Variants in SLC16A10 observed in about 807,000 individuals in gnomAD.
SLC16A10 encodes the protein solute carrier family 16 member 10, also known as monocarboxylate transporter 10.
SLC16A10 carries 27 observed loss-of-function variants against 40.0 expected under a neutral mutation model. That is an observed-to-expected ratio of 0.67 (90% CI 0.50 to 0.93). The LOEUF (loss-of-function observed/expected upper bound fraction) is 0.93. Among genes scored for constraint, SLC16A10 ranks in the 40% least tolerant of loss-of-function variants. The pLI, the probability that SLC16A10 is intolerant of heterozygous loss-of-function variation, is 0.00. For missense variants in SLC16A10, 529 were observed against 658.2 expected, an observed-to-expected ratio of 0.80 and a Z score of 2.15; for synonymous variants, 213 against 249.8, an observed-to-expected ratio of 0.85 and a Z score of 1.39.
chr6:111,130,950 A>G (rs1385290957), intron 1 of SLC16A10, among the ~76,000 whole-genome samples: 3 of 152,254 alleles, frequency 2.0e-5, no homozygotes, highest in Admixed American at 6.5e-5. Context: ...TAATTATGCC[A>G]TCATAGGGTA....
chr6:111,102,960 C>T (rs952633163), intron 1 of SLC16A10, among the ~76,000 whole-genome samples: 3 of 152,140 alleles, frequency 2.0e-5, no homozygotes, highest in Non-Finnish European at 4.4e-5. Context: ...GGAGTACATA[C>T]GGTTGCACGC....
At chr6:111,182,333 C>A (rs2757572) in intron 3 of SLC16A10, among the ~76,000 whole-genome samples, 1 of 120,430 alleles carries the variant, frequency 8.3e-6, no homozygotes. Context: ...TTTTTTTTTT[C>A]CTTTTTAACG....
chr6:111,141,185 T>C (rs1213062836), intron 1 of SLC16A10, among the ~76,000 whole-genome samples: 1 of 152,216 alleles, frequency 6.6e-6, no homozygotes, highest in Non-Finnish European at 1.5e-5. Context: ...CAAAGACATA[T>C]ATTTGAAAAT....
intron 4 of SLC16A10, among the ~76,000 whole-genome samples, chr6:111,211,526 C>G (rs749281293): frequency 1.3e-5 from 2 of 152,204 alleles, no homozygotes; most frequent in African/African-American, 4.8e-5. Context: ...TGTAGAGCAT[C>G]GTTTGTGGCA....
rs1429019485 is a variant in SLC16A10 at position 111,168,430 on chromosome 6, A to T, written c.344-4265A>T. Among the ~76,000 whole-genome samples the T allele has an allele frequency of 2.0e-5, 3 of 152,382 alleles. No individual in the cohort carries two copies. The East Asian group carries it at 5.8e-4, about 29-fold the overall frequency. On this transcript the variant is annotated intron_variant, in intron 1 of 5. Transcript: ENST00000368851. ...AAATAGTCTTCTGAGCACAACAAAT[A>T]TATTATCAGCACAACAGCTAGCTCT...
At chr6:111,092,368 G>A (rs1201478394) in intron 1 of SLC16A10, among the ~76,000 whole-genome samples, 6 of 133,796 alleles carry the variant, frequency 4.5e-5, no homozygotes, top group African/African-American at 1.5e-4. Context: ...CGCCCAGGCT[G>A]GAGTGCAGTG....
At chr6:111,111,664 CCT>C (rs749755156) in intron 1 of SLC16A10, among the ~76,000 whole-genome samples, 3 of 152,216 alleles carry the variant, frequency 2.0e-5, no homozygotes, top group Non-Finnish European at 4.4e-5. Context: ...ATTTCCCTCT[CCT>C]CTCTAACCAG....
chr6:111,160,499 C>A (rs139358336), intron 1 of SLC16A10, among the ~76,000 whole-genome samples: 7 of 152,384 alleles, frequency 4.6e-5, no homozygotes, highest in African/African-American at 1.7e-4. Context: ...AACTCAGCCT[C>A]CCAAAGTGCT....
chr6:111,203,495 C>G (rs1433947658), intron 3 of SLC16A10, among the ~76,000 whole-genome samples: 11 of 151,948 alleles, frequency 7.2e-5, no homozygotes, highest in Non-Finnish European at 1.6e-4. Context: ...CCGAAGCAGG[C>G]AGATCACTTG....
intron 1 of SLC16A10, among the ~76,000 whole-genome samples, chr6:111,117,225 G>A (rs1435506736): frequency 1.3e-5 from 2 of 152,066 alleles, no homozygotes; most frequent in African/African-American, 2.4e-5. Flanking sequence ...GGTGTTGGGT[G>A]CCTGTAGTCC....
At position 111,177,589 on chromosome 6, in the gene SLC16A10, A is replaced by G. The variant is rs1772711411; in HGVS notation, c.866A>G (p.Lys289Arg). 1 of 1,611,240 alleles carries G rather than the reference A, an allele frequency of 6.2e-7. No individual in the cohort carries two copies. The highest frequency in any genetic ancestry group is 8.5e-7 in the Non-Finnish European group (1 of 1,178,776). ...PKKIFNFAIF[K>R]VTAYAVWAVG... Reference sequence around the variant, plus strand: ...AAAATTTTCAATTTTGCCATCTTCAAGGTGACAGCTTATGCAGTGTGGGCA... The same window carrying G: ...AAAATTTTCAATTTTGCCATCTTCAGGGTGACAGCTTATGCAGTGTGGGCA... The change falls in exon 3 of 6, where the codon AAG becomes AGG. Residue 289 changes from lysine to arginine, a missense_variant. Transcript: ENST00000368851.
intron 4 of SLC16A10, among the ~76,000 whole-genome samples, chr6:111,213,604 C>T (rs943330573): frequency 1.3e-5 from 2 of 152,180 alleles, no homozygotes; most frequent in Non-Finnish European, 2.9e-5. Flanking sequence ...TTAACAACTT[C>T]CCAGCCTAAG....
intron 3 of SLC16A10, 35 bp from the exon 4 acceptor site, chr6:111,206,557 A>G: frequency 4.3e-6 from 7 of 1,613,070 alleles, no homozygotes; most frequent in Admixed American, 1.7e-5. Context: ...TTTTTCTACC[A>G]TATTCAGTGT....
At chr6:111,158,085 T>C (rs1193085544) in intron 1 of SLC16A10, among the ~76,000 whole-genome samples, 1 of 152,116 alleles carries the variant, frequency 6.6e-6, no homozygotes, top group African/African-American at 2.4e-5. Flanking sequence ...TTAAAAGAGC[T>C]ATTAATAATA....
chr6:111,172,661 C>G, intron 1 of SLC16A10, 34 bp from the exon 2 acceptor site: 1 of 1,601,250 alleles, frequency 6.2e-7, no homozygotes, highest in Non-Finnish European at 8.5e-7. Flanking sequence ...CTTACCATGT[C>G]ATAATTCCCC....
At chr6:111,106,008 T>C (rs896369538) in intron 1 of SLC16A10, among the ~76,000 whole-genome samples, 1 of 152,224 alleles carries the variant, frequency 6.6e-6, no homozygotes, top group Non-Finnish European at 1.5e-5. Flanking sequence ...AGAATCTGTA[T>C]TAAAGCAAAA....
At chr6:111,153,061 A>G (rs758685557) in intron 1 of SLC16A10, among the ~76,000 whole-genome samples, 1 of 152,146 alleles carries the variant, frequency 6.6e-6, no homozygotes, top group Non-Finnish European at 1.5e-5. Flanking sequence ...AGATCAAGGG[A>G]GAGAGAGGGT....
chr6:111,196,824 A>G (rs1010656456), intron 3 of SLC16A10, among the ~76,000 whole-genome samples: 1 of 152,198 alleles, frequency 6.6e-6, no homozygotes, highest in African/African-American at 2.4e-5. Flanking sequence ...AGTATACAGG[A>G]GGATATACAT....
At chr6:111,127,435 G>A (rs1362591173) in intron 1 of SLC16A10, among the ~76,000 whole-genome samples, 1 of 152,200 alleles carries the variant, frequency 6.6e-6, no homozygotes, top group Non-Finnish European at 1.5e-5. Context: ...GAGGTAGAGG[G>A]ACTGGATTGT....
Sources: gnomAD v4.1 joint callset for allele counts (sites outside exome capture counted in the v4.1 genomes callset) on GRCh38, gnomAD v4.1.1 for gene constraint, MANE v1.5 for transcripts, NCBI Gene and HGNC (gene_info 2026-07-23, HGNC 2026-07-21) for gene names.